ST6GALNAC3: variants seen among roughly 807,000 people sequenced by gnomAD.
The protein encoded by ST6GALNAC3 is ST6 N-acetylgalactosaminide alpha-2,6-sialyltransferase 3.
A neutral mutation model predicts 32.7 loss-of-function variants in ST6GALNAC3; 25 were observed. The observed-to-expected ratio is 0.76, with a 90% CI of 0.56 to 1.07. The LOEUF (loss-of-function observed/expected upper bound fraction) is 1.07, where lower values mean the gene tolerates loss of function less well. Ranked by LOEUF, ST6GALNAC3 falls within the 50% of genes least tolerant of loss-of-function variation. The probability of loss-of-function intolerance (pLI) is 0.00; values close to 1 mark genes in which losing one functional copy is unlikely to be tolerated. For synonymous variants in ST6GALNAC3, 129 were observed against 133.1 expected (o/e 0.97, Z 0.21); for missense variants, 355 against 382.4 (o/e 0.93, Z 0.60).
intron 1 of ST6GALNAC3, among the ~76,000 whole-genome samples, chr1:76,138,259 G>T (rs1053192510): frequency 2.6e-5 from 4 of 152,088 alleles, no homozygotes; most frequent in African/African-American, 9.7e-5. Flanking sequence ...GAGACATCTG[G>T]TCCTTTACAA....
At chr1:76,132,582 G>A (rs6702844) in intron 1 of ST6GALNAC3, among the ~76,000 whole-genome samples, 35,425 of 152,080 alleles carry the variant, frequency 0.23, 5,177 homozygotes, top group South Asian at 0.35. Flanking sequence ...CACTGCACAC[G>A]AGTCCTGCCC....
At chr1:76,503,249 G>T (rs908804019) in intron 3 of ST6GALNAC3, among the ~76,000 whole-genome samples, 2 of 152,194 alleles carry the variant, frequency 1.3e-5, no homozygotes, top group Non-Finnish European at 2.9e-5. Flanking sequence ...TCACTTCTTT[G>T]TTCTGAATGT....
At chr1:76,269,565 A>C (rs1183131650) in intron 1 of ST6GALNAC3, among the ~76,000 whole-genome samples, 3 of 152,228 alleles carry the variant, frequency 2.0e-5, no homozygotes, top group Non-Finnish European at 4.4e-5. Flanking sequence ...CCTGGAAAAC[A>C]TATTTGGGTG....
chr1:76,272,370 A>C (rs915896934), intron 1 of ST6GALNAC3, among the ~76,000 whole-genome samples: 1 of 151,930 alleles, frequency 6.6e-6, no homozygotes, highest in South Asian at 2.1e-4. Flanking sequence ...AAGCCAAATT[A>C]TATCTGTAAA....
intron 1 of ST6GALNAC3, among the ~76,000 whole-genome samples, chr1:76,293,337 A>G (rs1660203873): frequency 6.6e-6 from 1 of 152,218 alleles, no homozygotes; most frequent in Non-Finnish European, 1.5e-5. Flanking sequence ...ATGCTTTGGT[A>G]GGTGTCATCA....
At chr1:76,310,433 GC>G (rs2100882747) in intron 1 of ST6GALNAC3, among the ~76,000 whole-genome samples, 1 of 152,274 alleles carries the variant, frequency 6.6e-6, no homozygotes, top group South Asian at 2.1e-4. Context: ...TGTTGAGGAG[GC>G]AGAGCTCAAG....
At chr1:76,226,036 T>G (rs1656048449) in intron 1 of ST6GALNAC3, among the ~76,000 whole-genome samples, 1 of 152,184 alleles carries the variant, frequency 6.6e-6, no homozygotes, top group African/African-American at 2.4e-5. Flanking sequence ...CTGATGACTT[T>G]ATTGGTGCAG....
At chr1:76,143,392 C>CGTGTGTGTGTGT (rs4034974) in intron 1 of ST6GALNAC3, among the ~76,000 whole-genome samples, 2,718 of 142,374 alleles carry the variant, frequency 0.019, 46 homozygotes, top group East Asian at 0.047. Context: ...CTTACCAAGT[C>CGTGTGTGTGTGT]GTGTGTGTGT....
intron 3 of ST6GALNAC3, among the ~76,000 whole-genome samples, chr1:76,489,475 T>A (rs1302701134): frequency 1.3e-5 from 2 of 152,104 alleles, no homozygotes; most frequent in South Asian, 2.1e-4. Context: ...GCTCTCTGTC[T>A]CTCTCTTCCC....
intron 3 of ST6GALNAC3, among the ~76,000 whole-genome samples, chr1:76,585,373 G>A (rs2100561054): frequency 6.9e-6 from 1 of 144,724 alleles, no homozygotes; most frequent in Admixed American, 7.1e-5. Context: ...GTGACAGAGT[G>A]AGACTCCTTC....
chr1:76,431,929 A>C (rs1210433865), intron 3 of ST6GALNAC3, among the ~76,000 whole-genome samples: 2 of 152,130 alleles, frequency 1.3e-5, no homozygotes, highest in Non-Finnish European at 2.9e-5. Context: ...ACATGTATCC[A>C]CCATTATAAT....
Position 76,323,747 on chromosome 1 carries a change from T to C in ST6GALNAC3, c.213+9748T>C, listed in dbSNP as rs145328070. Among the ~76,000 whole-genome samples, 556 of 152,358 alleles carry C rather than the reference T, an allele frequency of 3.6e-3. 5 individuals are homozygous for C. The highest frequency in any genetic ancestry group is 0.013 in the African/African-American group (541 of 41,588). ...TAGTCATAGAAAGAAAGTTTGGAGA[T>C]AATACTTCAAAATATTAACTGTGAT... On this transcript the variant is annotated intron_variant, in intron 2 of 4. Transcript: ENST00000328299.
At chr1:76,184,900 G>A (rs563294345) in intron 1 of ST6GALNAC3, among the ~76,000 whole-genome samples, 31 of 152,254 alleles carry the variant, frequency 2.0e-4, no homozygotes, top group Non-Finnish European at 4.1e-4. Flanking sequence ...TTGTCCAGTC[G>A]AGTATGGCCA....
At chr1:76,104,384 G>T (rs1288901633) in intron 1 of ST6GALNAC3, among the ~76,000 whole-genome samples, 3 of 152,174 alleles carry the variant, frequency 2.0e-5, no homozygotes, top group Non-Finnish European at 4.4e-5. Flanking sequence ...ATAGACCTCT[G>T]CAAGGGCCTC....
At chr1:76,175,115 A>C (rs1047636004) in intron 1 of ST6GALNAC3, among the ~76,000 whole-genome samples, 1 of 152,084 alleles carries the variant, frequency 6.6e-6, no homozygotes, top group Non-Finnish European at 1.5e-5. Flanking sequence ...TTACATATTC[A>C]TCTTCTTCCA....
intron 3 of ST6GALNAC3, among the ~76,000 whole-genome samples, chr1:76,608,308 C>T (rs1351439763): frequency 1.3e-5 from 2 of 151,970 alleles, no homozygotes; most frequent in African/African-American, 4.8e-5. Flanking sequence ...TTTATTGAGC[C>T]TCTATTATAT....
intron 3 of ST6GALNAC3, among the ~76,000 whole-genome samples, chr1:76,504,020 G>T (rs560665050): frequency 8.5e-5 from 13 of 152,266 alleles, no homozygotes; most frequent in African/African-American, 3.1e-4. Flanking sequence ...GCATGTTGCT[G>T]ATATTTGTAT....
At chr1:76,383,081 T>C (rs1651836344) in intron 2 of ST6GALNAC3, among the ~76,000 whole-genome samples, 1 of 152,142 alleles carries the variant, frequency 6.6e-6, no homozygotes, top group Non-Finnish European at 1.5e-5. Context: ...GCCTTTTCAA[T>C]GGAAATGGTC....
intron 3 of ST6GALNAC3, among the ~76,000 whole-genome samples, chr1:76,551,132 G>C (rs1217487455): frequency 1.3e-5 from 2 of 152,118 alleles, no homozygotes; most frequent in African/African-American, 4.8e-5. Flanking sequence ...GTGAGTATCA[G>C]CATTATTATT....
Sources: gnomAD v4.1 joint callset for allele counts (sites outside exome capture counted in the v4.1 genomes callset) on GRCh38, gnomAD v4.1.1 for gene constraint, MANE v1.5 for transcripts, NCBI Gene and HGNC (gene_info 2026-07-23, HGNC 2026-07-21) for gene names.